BRME1: variants seen among roughly 807,000 people sequenced by gnomAD.
The protein encoded by BRME1 is BRCA2 and MEILB2-associating protein 1.
In BRME1, 31 loss-of-function variants were observed where a neutral mutation model predicts 52.6. The ratio of observed to expected loss-of-function variants is 0.59; its 90% CI spans 0.44 to 0.80. The LOEUF (loss-of-function observed/expected upper bound fraction) is 0.80, where lower values mean the gene tolerates loss of function less well. BRME1 is among the 30% of genes least tolerant of loss of function. The pLI, the probability that BRME1 is intolerant of heterozygous loss-of-function variation, is 0.00. For missense variants in BRME1, 804 were observed against 860.3 expected, an observed-to-expected ratio of 0.93 and a Z score of 0.82; for synonymous variants, 359 against 353.6, an observed-to-expected ratio of 1.02 and a Z score of -0.17.
In BRME1 at chr19:13,882,504, C is replaced by G; in HGVS notation, c.*298G>C. ...GCTCAGGACCCTAAAATTTGCAAAT[C>G]CGGACAGGATGGGCCCTGCTCAGAG... On this transcript the variant is annotated 3_prime_UTR_variant, in exon 9 of 9. Coordinates refer to ENST00000586783, the MANE Select transcript of BRME1 (RefSeq NM_001345843.2). 1 of 467,548 alleles carries G rather than the reference C, an allele frequency of 2.1e-6. No individual in the cohort carries two copies. The highest frequency in any genetic ancestry group is 3.7e-6 in the Non-Finnish European group (1 of 266,934). 29.0% of individuals were successfully genotyped at this position (467,548 alleles called of 1,614,324 possible).
chr19:13,893,184 G>A lies in BRME1; in HGVS notation c.246C>T (p.Leu82=). Residue 82 remains leucine (L), a synonymous_variant, in exon 4 of 9, where the codon CTC becomes CTT. Coordinates refer to ENST00000586783, the MANE Select transcript of BRME1 (RefSeq NM_001345843.2). Reference sequence around the variant, plus strand: ...GAGCTGGCTCCTTTTCTGGTTGACGGAGGAGCCGGCAGGGAGATCCTGTTT... The same window carrying A: ...GAGCTGGCTCCTTTTCTGGTTGACGAAGGAGCCGGCAGGGAGATCCTGTTT... ...DEETGSPCRL[L]RQPEKEPAPL... 2 of 1,592,238 alleles carry A rather than the reference G, an allele frequency of 1.3e-6. No individual in the cohort carries two copies. The highest frequency in any genetic ancestry group is 1.7e-6 in the Non-Finnish European group (2 of 1,171,488).
In BRME1 at chr19:13,895,088, A is replaced by G. The variant is rs368408714; in HGVS notation, c.206+284T>C. Among the ~76,000 whole-genome samples the G allele has an allele frequency of 2.1e-4, 32 of 152,166 alleles. No individual in the cohort carries two copies. The South Asian group carries it at 6.7e-3, about 32-fold the overall frequency. On this transcript the variant is annotated intron_variant, in intron 3 of 8. Coordinates refer to ENST00000586783, the MANE Select transcript of BRME1 (RefSeq NM_001345843.2). ...GAGACGGGGTTTTGCAGTGTTGGCC[A>G]GTCTTGTCTCAAACTCGTGACCTCA... is the stretch of plus-strand genomic sequence containing the variant.
intron 1 of BRME1, among the ~76,000 whole-genome samples, 185 bp downstream of exon 1, chr19:13,905,530 C>G (rs888595203): frequency 6.8e-6 from 1 of 147,128 alleles, no homozygotes; most frequent in African/African-American, 2.6e-5. Context: ...AAAAATTAGT[C>G]AGGTGCGGTG....
At chr19:13,893,060 G>T in intron 4 of BRME1, 82 bp downstream of exon 4, 1 of 1,429,958 alleles carries the variant, frequency 7.0e-7, no homozygotes, top group South Asian at 1.2e-5. Context: ...AGCAATTGGT[G>T]ACAAAGAAGG....
chr19:13,883,061 G>A lies in BRME1; in HGVS notation c.1857-109C>T, dbSNP rs188999965. The A allele has an allele frequency of 1.7e-5, 23 of 1,361,904 alleles. No homozygotes were observed. Among genetic ancestry groups the A allele is most frequent in the Non-Finnish European group, 1.9e-5 (19 of 993,146 alleles). The allele number at this position is 1,361,904 out of a possible 1,614,324, so 84.4% of individuals were successfully genotyped here. A position where few individuals can be genotyped will look rare whatever the true frequency, so the allele number is the denominator to read the frequency against. ...CCAATGACTCAGGTGCACACACACG[G>A]CTCACACACGTGCACATAACCAGAA... On this transcript the variant is annotated intron_variant, in intron 8 of 8. Transcript: ENST00000586783. The surrounding 1 kb of genome is among the most constrained non-coding windows in gnomAD (Gnocchi z 4.2).
Position 13,883,422 on chromosome 19 carries a change from TGA to T in BRME1, c.1764-24_1764-23del. ...GGTCCTGGCCAGCAGGGAAGGAAAT[TGA>T]GAGTGGCCCGACCTCACTGGACTAC... On this transcript the variant is annotated intron_variant, in intron 7 of 8. Coordinates refer to ENST00000586783, the MANE Select transcript of BRME1 (RefSeq NM_001345843.2). The surrounding 1 kb of genome is among the most constrained non-coding windows in gnomAD (Gnocchi z 4.2). The T allele has an allele frequency of 2.0e-6, 3 of 1,517,710 alleles. No individual in the cohort carries two copies. Among genetic ancestry groups the T allele is most frequent in the Non-Finnish European group, 2.7e-6 (3 of 1,130,884 alleles). 94.0% of individuals were successfully genotyped at this position (1,517,710 alleles called of 1,614,324 possible).
chr19:13,897,600 G>A (rs1969997631), intron 2 of BRME1, among the ~76,000 whole-genome samples: 1 of 152,164 alleles, frequency 6.6e-6, no homozygotes, highest in Non-Finnish European at 1.5e-5. Flanking sequence ...AAGGAAAGAT[G>A]CCAGCCTGTA....
intron 2 of BRME1, among the ~76,000 whole-genome samples, chr19:13,904,024 C>T (rs1048913338): frequency 1.3e-5 from 2 of 152,156 alleles, no homozygotes; most frequent in African/African-American, 2.4e-5. Flanking sequence ...GCTGTGGGAC[C>T]CCACCAGAGG....
At chr19:13,892,023 A>C (rs1969540993) in intron 5 of BRME1, among the ~76,000 whole-genome samples, 1 of 151,008 alleles carries the variant, frequency 6.6e-6, no homozygotes, top group African/African-American at 2.4e-5. Context: ...CAGTGAGCCG[A>C]GATCACACCA....
intron 2 of BRME1, among the ~76,000 whole-genome samples, chr19:13,897,690 A>G (rs2145204778): frequency 6.6e-6 from 1 of 152,068 alleles, no homozygotes; most frequent in East Asian, 1.9e-4. Context: ...ACATGGCGAA[A>G]CCCTGTCTAA....
At chr19:13,892,975 C>T in intron 4 of BRME1, 85 bp from the exon 5 acceptor site, 1 of 1,416,482 alleles carries the variant, frequency 7.1e-7, no homozygotes, top group Admixed American at 1.8e-5. Flanking sequence ...AAACCTGCTC[C>T]TTTCTTGTAG....
chr19:13,893,634 G>A (rs951174453), intron 3 of BRME1, among the ~76,000 whole-genome samples: 1 of 152,150 alleles, frequency 6.6e-6, no homozygotes, highest in Non-Finnish European at 1.5e-5. Flanking sequence ...AGTGCTAAGA[G>A]TCTCCTAGGC....
intron 2 of BRME1, among the ~76,000 whole-genome samples, chr19:13,895,933 G>A (rs779766084): frequency 6.6e-5 from 10 of 152,202 alleles, no homozygotes; most frequent in Non-Finnish European, 1.2e-4. Context: ...AAGCAATTGC[G>A]ATGTGTCTTC....
Position 13,883,208 on chromosome 19 carries a change from T to C in BRME1, c.1856+100A>G. The C allele has an allele frequency of 8.5e-7, 1 of 1,171,596 alleles. No homozygotes were observed. The highest frequency in any genetic ancestry group is 1.2e-6 in the Non-Finnish European group (1 of 830,948). 72.6% of individuals were successfully genotyped at this position (1,171,596 alleles called of 1,614,324 possible). A position where few individuals can be genotyped will look rare whatever the true frequency, so the allele number is the denominator to read the frequency against. Reference sequence around the variant, plus strand: ...CAGCAGTGAGGTGCCTGACCCTCGCTGCCCACCTAGGGGCTTCACACTTCA... The same window carrying C: ...CAGCAGTGAGGTGCCTGACCCTCGCCGCCCACCTAGGGGCTTCACACTTCA... On this transcript the variant is annotated intron_variant, in intron 8 of 8. Coordinates refer to ENST00000586783, the MANE Select transcript of BRME1 (RefSeq NM_001345843.2). The surrounding 1 kb of genome is among the most constrained non-coding windows in gnomAD (Gnocchi z 4.2).
At position 13,889,215 on chromosome 19, in the gene BRME1, G is replaced by A. The variant is rs758864820; in HGVS notation, c.1641C>T (p.Ala547=). Reference sequence around the variant, plus strand: ...GCTCAGGTGGGGCTTCGAAGTCAGAGGCGTCCAGGGCATCCTGTATCTGGC... The same window carrying A: ...GCTCAGGTGGGGCTTCGAAGTCAGAAGCGTCCAGGGCATCCTGTATCTGGC... ...LDSQIQDALD[A]SDFEAPPEQL... Residue 547 remains alanine (A), a synonymous_variant, in exon 6 of 9, where the codon GCC becomes GCT. Coordinates refer to ENST00000586783, the MANE Select transcript of BRME1 (RefSeq NM_001345843.2). 7 of 1,600,986 alleles carry A rather than the reference G, an allele frequency of 4.4e-6. No individual in the cohort carries two copies. In the South Asian group the frequency reaches 7.8e-5, roughly 18 times the overall value.
chr19:13,886,018 G>C lies in BRME1; in HGVS notation c.1706C>G (p.Pro569Arg), dbSNP rs750616610. The C allele has an allele frequency of 1.2e-6, 2 of 1,613,870 alleles. No individual in the cohort carries two copies. The highest frequency in any genetic ancestry group is 1.7e-6 in the Non-Finnish European group (2 of 1,180,024). The change falls in exon 7 of 9, where the codon CCG (proline) becomes CGG (arginine). Residue 569 changes from proline to arginine, a missense_variant. Physicochemically the swap from Pro to Arg is moderately radical, Grantham distance 103. Around this residue, in one of 3 missense-constraint regions of BRME1, gnomAD observed 552 missense variants for 561.1 expected, o/e 0.98. Coordinates refer to ENST00000586783, the MANE Select transcript of BRME1 (RefSeq NM_001345843.2). ...PSGNKPGPCW[P>R]GPSSHANGDP... ...TCCATTGGCATGTGAGCTGGGGCCC[G>C]GCCAGCAAGGGCCCGGCTTGTTCCC...
Position 13,895,365 on chromosome 19 carries a change from C to A in BRME1, c.206+7G>T. On this transcript the variant is annotated splice_region_variant and intron_variant, in intron 3 of 8. Transcript: ENST00000586783. ...GGAGACCTGCCGGAATGTTCAGAGC[C>A]ACCTACCTGGAGACGGCCTTTCCTG... is the stretch of plus-strand genomic sequence containing the variant. 1.2e-6 allele frequency: 2 copies of A among 1,611,088 alleles called. No homozygotes were observed. The highest frequency in any genetic ancestry group is 1.7e-6 in the Non-Finnish European group (2 of 1,179,026).
Position 13,883,594 on chromosome 19 carries a change from C to A in BRME1, c.1764-194G>T. ...CAGCAGGCCCAGAACCCAACCGCTTCTCCCCTACCTGCCCTGCCCTCTCAG... is the reference window on the plus strand; with the variant it reads ...CAGCAGGCCCAGAACCCAACCGCTTATCCCCTACCTGCCCTGCCCTCTCAG... On this transcript the variant is annotated intron_variant, in intron 7 of 8. Transcript: ENST00000586783. This position sits in a 1 kb window ranked among gnomAD's most constrained non-coding sequence, Gnocchi z 4.2. 1.8e-6 allele frequency: 1 copy of A among 551,068 alleles called. No homozygotes were observed. The allele number at this position is 551,068 out of a possible 1,614,324, so 34.1% of individuals were successfully genotyped here.
At position 13,882,815 on chromosome 19, in the gene BRME1, C is replaced by T. The variant is rs1968724716; in HGVS notation, c.1994G>A (p.Trp665Ter). The change falls in exon 9 of 9, where the codon TGG (tryptophan) becomes TAG (stop). Residue 665 changes from tryptophan (W) to a stop codon, truncating the protein, a stop_gained. Transcript: ENST00000586783. LOFTEE classifies it high-confidence loss of function. ...CCTCAAAGTGGCCTACAACTCCCTC[C>T]AGGGTGGGTCCCCTCGAGGGATATT... ...PGNIPRGDPP[W>*]REL The T allele has an allele frequency of 6.2e-7, 1 of 1,613,800 alleles. No individual in the cohort carries two copies. Among genetic ancestry groups the T allele is most frequent in the Non-Finnish European group, 8.5e-7 (1 of 1,179,970 alleles).
Sources: gnomAD v4.1 joint callset for allele counts (sites outside exome capture counted in the v4.1 genomes callset) on GRCh38, gnomAD v4.1.1 for gene constraint, gnomAD v4.1.1 regional missense constraint, Gnocchi (gnomAD v3.1) non-coding constraint, MANE v1.5 for transcripts, NCBI Gene and HGNC (gene_info 2026-07-23, HGNC 2026-07-21) for gene names.